CRPPA: variants seen among roughly 807,000 people sequenced by gnomAD.
CRPPA encodes D-ribitol-5-phosphate cytidylyltransferase.
CRPPA carries 43 observed loss-of-function variants against 52.0 expected under a neutral mutation model. That is an observed-to-expected ratio of 0.83 (90% CI 0.65 to 1.07). CRPPA has a LOEUF of 1.07. Ranked by LOEUF, CRPPA falls within the 50% of genes least tolerant of loss-of-function variation. The pLI, the probability that CRPPA is intolerant of heterozygous loss-of-function variation, is 0.00. For synonymous variants in CRPPA, 250 were observed against 203.5 expected, an observed-to-expected ratio of 1.23 and a Z score of -1.94; for missense variants, 629 against 551.7, an observed-to-expected ratio of 1.14 and a Z score of -1.40.
At chr7:16,208,072 C>A (rs562183604) in intron 9 of CRPPA, among the ~76,000 whole-genome samples, 4 of 152,134 alleles carry the variant, frequency 2.6e-5, no homozygotes, top group African/African-American at 9.7e-5. Context: ...TCAATTGCAA[C>A]AACACTATTT....
intron 9 of CRPPA, among the ~76,000 whole-genome samples, chr7:16,120,181 G>T (rs957755299): frequency 6.6e-6 from 1 of 152,128 alleles, no homozygotes; most frequent in Non-Finnish European, 1.5e-5. Context: ...CTGTAATCAG[G>T]CTCCTTTAAG....
chr7:16,266,380 T>A (rs987805546), intron 6 of CRPPA: 1 of 152,058 alleles, frequency 6.6e-6, no homozygotes, highest in African/African-American at 2.4e-5. Context: ...ATTGTTCTAA[T>A]GCAACACTAC....
At chr7:16,114,036 T>C (rs1782318614) in intron 9 of CRPPA, among the ~76,000 whole-genome samples, 1 of 151,434 alleles carries the variant, frequency 6.6e-6, no homozygotes, top group Non-Finnish European at 1.5e-5. Context: ...AGTTAGGAGG[T>C]AACTGATCAA....
chr7:16,312,043 G>A (rs1017157716), intron 3 of CRPPA, among the ~76,000 whole-genome samples: 1 of 152,004 alleles, frequency 6.6e-6, no homozygotes, highest in Admixed American at 6.6e-5. Context: ...AACTCTTAAA[G>A]TCAGGTAGTG....
chr7:16,107,137 G>A (rs576461212), intron 9 of CRPPA, among the ~76,000 whole-genome samples: 53 of 151,828 alleles, frequency 3.5e-4, no homozygotes, highest in African/African-American at 2.7e-4. Context: ...GCAAAGGACC[G>A]AACATTCACA....
chr7:16,251,610 C>A (rs1326453224), intron 8 of CRPPA, among the ~76,000 whole-genome samples: 1 of 152,156 alleles, frequency 6.6e-6, no homozygotes, highest in East Asian at 1.9e-4. Context: ...AACTGAACAA[C>A]CTACTCCTGA....
intron 6 of CRPPA, among the ~76,000 whole-genome samples, chr7:16,260,991 A>C (rs867184332): frequency 6.6e-6 from 1 of 152,088 alleles, no homozygotes; most frequent in Admixed American, 6.5e-5. Flanking sequence ...ACAATGTGGG[A>C]AAGTTCTTTA....
At chr7:16,196,965 T>C (rs76827378) in intron 9 of CRPPA, among the ~76,000 whole-genome samples, 1,735 of 152,138 alleles carry the variant, frequency 0.011, 40 homozygotes, top group African/African-American at 0.04. Flanking sequence ...GCTCATGTTT[T>C]AGTGAAACAC....
chr7:16,121,410 TA>T (rs1427583694), intron 9 of CRPPA, among the ~76,000 whole-genome samples: 6 of 151,518 alleles, frequency 4.0e-5, no homozygotes, highest in East Asian at 1.9e-4. Context: ...TCCCAAAAAA[TA>T]AAAAAAATTA....
intron 9 of CRPPA, among the ~76,000 whole-genome samples, chr7:16,120,567 A>T (rs931272347): frequency 6.6e-6 from 1 of 152,158 alleles, no homozygotes; most frequent in Non-Finnish European, 1.5e-5. Flanking sequence ...AAAAAGCTAT[A>T]ACATCATTGT....
At chr7:16,153,224 T>C (rs1204192856) in intron 9 of CRPPA, among the ~76,000 whole-genome samples, 3 of 152,204 alleles carry the variant, frequency 2.0e-5, no homozygotes, top group Middle Eastern at 3.4e-3. Context: ...ACAATTTATA[T>C]ATAAATTACC....
intron 3 of CRPPA, among the ~76,000 whole-genome samples, chr7:16,309,037 G>C (rs951111398): frequency 1.3e-5 from 2 of 151,954 alleles, no homozygotes; most frequent in Admixed American, 6.6e-5. Context: ...CTCATATCTT[G>C]TATTTATATC....
At chr7:16,142,593 G>A (rs978321318) in intron 9 of CRPPA, among the ~76,000 whole-genome samples, 2 of 152,134 alleles carry the variant, frequency 1.3e-5, no homozygotes, top group Non-Finnish European at 2.9e-5. Context: ...TAAAATCTGT[G>A]ATAAGGGTTT....
intron 8 of CRPPA, among the ~76,000 whole-genome samples, chr7:16,241,721 T>C (rs1783112224): frequency 6.6e-6 from 1 of 152,084 alleles, no homozygotes; most frequent in African/African-American, 2.4e-5. Context: ...CAGAACCAAA[T>C]ACATAAGGAA....
At chr7:16,388,038 C>T (rs1009534655) in intron 2 of CRPPA, among the ~76,000 whole-genome samples, 8 of 152,248 alleles carry the variant, frequency 5.3e-5, no homozygotes, top group East Asian at 1.9e-4. Flanking sequence ...GGCTGGAGTC[C>T]GGTAGCACAA....
At chr7:16,327,588 A>T (rs1487812328) in intron 3 of CRPPA, among the ~76,000 whole-genome samples, 1 of 125,858 alleles carries the variant, frequency 7.9e-6, no homozygotes, top group Admixed American at 9.4e-5. Flanking sequence ...CGACAGAGCG[A>T]GACTCCGTCT....
At chr7:16,257,533 T>G (rs2128412075) in intron 8 of CRPPA, among the ~76,000 whole-genome samples, 1 of 152,234 alleles carries the variant, frequency 6.6e-6, no homozygotes, top group African/African-American at 2.4e-5. Context: ...AAATCTCCCA[T>G]AGTTGCTAAT....
chr7:16,392,293 C>G (rs1787465923), intron 2 of CRPPA, among the ~76,000 whole-genome samples: 1 of 152,036 alleles, frequency 6.6e-6, no homozygotes, highest in South Asian at 2.1e-4. Context: ...TTTCCCAAAC[C>G]AAAATAGAAA....
intron 8 of CRPPA, among the ~76,000 whole-genome samples, chr7:16,251,340 T>C (rs1233761307): frequency 2.0e-5 from 3 of 151,864 alleles, no homozygotes; most frequent in Admixed American, 1.3e-4. Context: ...TTAACAAGGA[T>C]AATGAGGACT....
Sources: allele counts gnomAD v4.1 joint callset (sites outside exome capture counted in the v4.1 genomes callset), GRCh38; gene constraint gnomAD v4.1.1; transcripts MANE v1.5; gene names NCBI Gene and HGNC (gene_info 2026-07-23, HGNC 2026-07-21).